RFC3: variants seen among roughly 807,000 people sequenced by gnomAD.
The protein encoded by RFC3 is replication factor C subunit 3.
A neutral mutation model predicts 45.1 loss-of-function variants in RFC3; 41 were observed. The ratio of observed to expected loss-of-function variants is 0.91; its 90% confidence interval spans 0.71 to 1.18. The LOEUF (loss-of-function observed/expected upper bound fraction) is 1.18. Among genes scored for constraint, RFC3 ranks in the 50% most tolerant of loss-of-function variants. RFC3 has a pLI of 0.00. For synonymous variants in RFC3, 149 were observed against 144.0 expected, an observed-to-expected ratio of 1.03 and a Z score of -0.25; for missense variants, 423 against 428.1, an observed-to-expected ratio of 0.99 and a Z score of 0.10.
At chr13:33,850,555 ATAT>A (rs2082270033) in intron 8 of RFC3, 4 of 152,238 alleles carry the variant, frequency 2.6e-5, no homozygotes, top group Admixed American at 2.6e-4. Context: ...TGTAAAATTA[ATAT>A]TTACTGTATG....
At chr13:33,846,745 AGC>A (rs34026286) in intron 8 of RFC3, 116,460 of 151,730 alleles carry the variant, frequency 0.77, 47,176 homozygotes, top group Non-Finnish European at 0.92. Flanking sequence ...AGAGTGCTTT[AGC>A]CCATGATGAT....
chr13:33,904,262 A>G (rs191917826), intron 8 of RFC3, among the ~76,000 whole-genome samples: 2 of 152,152 alleles, frequency 1.3e-5, no homozygotes, highest in South Asian at 2.1e-4. Flanking sequence ...CCAAAACTAT[A>G]TAGTTTCTAA....
chr13:33,948,600 T>C (rs1431321471), intron 8 of RFC3, among the ~76,000 whole-genome samples: 1 of 152,030 alleles, frequency 6.6e-6, no homozygotes, highest in East Asian at 1.9e-4. Context: ...CCTCAGACAC[T>C]CAATGCCAGT....
downstream of RFC3, among the ~76,000 whole-genome samples, chr13:33,838,155 A>G (rs2082171798): frequency 6.6e-6 from 1 of 152,162 alleles, no homozygotes; most frequent in African/African-American, 2.4e-5. Context: ...GTACTTGAAT[A>G]ATATCTTGAT....
At chr13:33,832,568 A>G (rs935672795) in intron 7 of RFC3, among the ~76,000 whole-genome samples, 8 of 152,154 alleles carry the variant, frequency 5.3e-5, no homozygotes, top group Admixed American at 1.3e-4. Context: ...TCAGAATTCA[A>G]TTATTTTAGT....
At chr13:33,960,708 T>C (rs572028291) in intron 8 of RFC3, among the ~76,000 whole-genome samples, 1 of 152,198 alleles carries the variant, frequency 6.6e-6, no homozygotes, top group African/African-American at 2.4e-5. Context: ...GCTCCCCTTC[T>C]CCCACTGCCT....
At chr13:33,968,287 C>T (rs2083097020), downstream of RFC3, among the ~76,000 whole-genome samples, 1 of 152,202 alleles carries the variant, frequency 6.6e-6, no homozygotes, top group Admixed American at 6.5e-5. Context: ...GCCACTACAC[C>T]TGGCTAATTT....
chr13:33,920,163 A>G (rs749500472), intron 8 of RFC3, among the ~76,000 whole-genome samples: 1 of 152,122 alleles, frequency 6.6e-6, no homozygotes, highest in Non-Finnish European at 1.5e-5. Flanking sequence ...AATTTTTAGC[A>G]TCCTTACAGC....
chr13:33,864,069 C>T (rs575256111), intron 8 of RFC3, among the ~76,000 whole-genome samples: 3 of 152,256 alleles, frequency 2.0e-5, no homozygotes, highest in Admixed American at 6.5e-5. Flanking sequence ...AGCTTCCACT[C>T]ATGGTGGAAG....
chr13:33,909,334 A>G (rs2082690549), intron 8 of RFC3, among the ~76,000 whole-genome samples: 1 of 151,684 alleles, frequency 6.6e-6, no homozygotes, highest in Admixed American at 6.6e-5. Flanking sequence ...CTGGTCCCTG[A>G]CCTCCTGTTC....
At chr13:33,890,962 G>A (rs1037119482) in intron 8 of RFC3, among the ~76,000 whole-genome samples, 2 of 152,020 alleles carry the variant, frequency 1.3e-5, no homozygotes, top group African/African-American at 4.8e-5. Context: ...GAATATTATT[G>A]GGTATCAATC....
intron 8 of RFC3, among the ~76,000 whole-genome samples, chr13:33,926,223 G>T (rs1202423567): frequency 8.3e-6 from 1 of 121,140 alleles, no homozygotes; most frequent in African/African-American, 3.1e-5. Flanking sequence ...TGGGGGGAGG[G>T]GGGAGGGATA....
intron 8 of RFC3, among the ~76,000 whole-genome samples, chr13:33,928,482 T>C (rs1031831777): frequency 2.0e-5 from 3 of 152,082 alleles, no homozygotes; most frequent in African/African-American, 7.2e-5. Flanking sequence ...AATACCATGC[T>C]CTGAGCTTGA....
chr13:33,966,200 C>T, exon 9 of RFC3: 1 of 1,115,632 alleles, frequency 9.0e-7, no homozygotes, highest in Non-Finnish European at 1.4e-6. Flanking sequence ...CAAATATAAT[C>T]CACTTTGCTC....
intron 8 of RFC3, among the ~76,000 whole-genome samples, chr13:33,955,184 G>A (rs1275469207): frequency 3.3e-5 from 5 of 152,156 alleles, no homozygotes. Context: ...ATGAACAAGA[G>A]TGAAGAAGGA....
At chr13:33,835,777 T>C (rs111820493) in intron 8 of RFC3, among the ~76,000 whole-genome samples, 2 of 152,172 alleles carry the variant, frequency 1.3e-5, no homozygotes, top group African/African-American at 2.4e-5. Flanking sequence ...ATGACCTCCA[T>C]TGGTGGAACT....
At chr13:33,942,792 C>G (rs533328338) in intron 8 of RFC3, among the ~76,000 whole-genome samples, 28 of 152,002 alleles carry the variant, frequency 1.8e-4, no homozygotes, top group African/African-American at 6.3e-4. Flanking sequence ...TACTTGTAGT[C>G]AATTTATGTA....
intron 7 of RFC3, among the ~76,000 whole-genome samples, chr13:33,833,502 A>G (rs558514817): frequency 9.9e-5 from 15 of 152,234 alleles, no homozygotes; most frequent in South Asian, 6.2e-4. Context: ...CTTGTAAGCT[A>G]TTAGGAAATA....
intron 8 of RFC3, among the ~76,000 whole-genome samples, chr13:33,948,639 ACC>A (rs1432628718): frequency 2.6e-5 from 4 of 152,174 alleles, no homozygotes; most frequent in African/African-American, 9.7e-5. Flanking sequence ...GAGGGGCTGT[ACC>A]CTGCAAAGCC....
Sources: allele counts gnomAD v4.1 joint callset (sites outside exome capture counted in the v4.1 genomes callset), GRCh38; gene constraint gnomAD v4.1.1; transcripts MANE v1.5; gene names NCBI Gene and HGNC (gene_info 2026-07-23, HGNC 2026-07-21).